The following ULK4 variants were observed in gnomAD, a reference collection of about 807,000 sequenced individuals.
ULK4 encodes inactive serine/threonine-protein kinase ULK4.
ULK4 carries 133 observed loss-of-function variants against 160.6 expected under a neutral mutation model. The observed-to-expected ratio is 0.83, with a 90% CI of 0.72 to 0.96. The LOEUF (loss-of-function observed/expected upper bound fraction) is 0.96, where lower values mean the gene tolerates loss of function less well. ULK4 is among the 40% of genes least tolerant of loss of function. The pLI is 0.00. For missense variants in ULK4, 1,580 were observed against 1,499.5 expected (o/e 1.05, Z -0.89); for synonymous variants, 534 against 539.8 (o/e 0.99, Z 0.15).
rs916041519 is a variant in ULK4, at chr3:41,364,669, A to G, written c.3678+33410T>C. On this transcript the variant is annotated intron_variant, in intron 35 of 36. Coordinates refer to ENST00000301831, the MANE Select transcript of ULK4 (RefSeq NM_017886.4). Reference sequence around the variant, plus strand: ...TTTAATAAGGAAAAATTAAAGAAATAGAAAGATTTTCCCAAGTGGATGTTA... The same window carrying G: ...TTTAATAAGGAAAAATTAAAGAAATGGAAAGATTTTCCCAAGTGGATGTTA... Among the ~76,000 whole-genome samples the G allele has an allele frequency of 3.3e-5, 5 of 152,216 alleles. No homozygotes were observed. In the East Asian group the frequency reaches 9.6e-4, roughly 29 times the overall value.
intron 34 of ULK4, among the ~76,000 whole-genome samples, chr3:41,414,960 C>G (rs1014569937): frequency 6.6e-6 from 1 of 152,154 alleles, no homozygotes; most frequent in Non-Finnish European, 1.5e-5. Context: ...GTCCACATAT[C>G]ACAGAATAGA....
chr3:41,918,773 T>C (rs1699066000), intron 6 of ULK4, among the ~76,000 whole-genome samples: 1 of 151,980 alleles, frequency 6.6e-6, no homozygotes, highest in Non-Finnish European at 1.5e-5. Context: ...AGCTAATTTT[T>C]TGTATTTTTA....
At chr3:41,730,063 A>G (rs777634181) in intron 22 of ULK4, among the ~76,000 whole-genome samples, 6 of 152,256 alleles carry the variant, frequency 3.9e-5, no homozygotes, top group Non-Finnish European at 7.3e-5. Context: ...AGGGTCAAGG[A>G]AAAATTTTTT....
At chr3:41,625,268 T>C (rs2033444232) in intron 30 of ULK4, among the ~76,000 whole-genome samples, 1 of 152,220 alleles carries the variant, frequency 6.6e-6, no homozygotes, top group Admixed American at 6.5e-5. Context: ...TTTTAAACCA[T>C]GAATTGAATA....
chr3:41,671,537 A>G (rs1270948733), intron 29 of ULK4, among the ~76,000 whole-genome samples: 1 of 152,144 alleles, frequency 6.6e-6, no homozygotes. Context: ...CTGGAAAATC[A>G]TATCCAGAAG....
intron 35 of ULK4, among the ~76,000 whole-genome samples, chr3:41,314,105 G>A (rs1273780593): frequency 6.6e-6 from 1 of 152,216 alleles, no homozygotes; most frequent in Admixed American, 6.5e-5. Context: ...CTGTGGAGCA[G>A]AGGAATAGAG....
chr3:41,328,100 G>A (rs757826485), intron 35 of ULK4, among the ~76,000 whole-genome samples: 1 of 152,146 alleles, frequency 6.6e-6, no homozygotes, highest in Non-Finnish European at 1.5e-5. Context: ...AGAGTGGAAC[G>A]GCCAGCCCTA....
At chr3:41,500,604 A>G (rs978498682) in intron 32 of ULK4, among the ~76,000 whole-genome samples, 2 of 152,088 alleles carry the variant, frequency 1.3e-5, no homozygotes, top group Non-Finnish European at 2.9e-5. Flanking sequence ...GCCAAGTTGG[A>G]AATTCCCAGA....
intron 27 of ULK4, among the ~76,000 whole-genome samples, chr3:41,688,283 G>A (rs1356773842): frequency 1.3e-5 from 2 of 152,100 alleles, no homozygotes; most frequent in African/African-American, 4.8e-5. Flanking sequence ...GCCAAGCATG[G>A]TGGCTCACAC....
chr3:41,742,717 C>T (rs1201941946), intron 22 of ULK4, among the ~76,000 whole-genome samples: 2 of 151,844 alleles, frequency 1.3e-5, no homozygotes, highest in African/African-American at 4.9e-5. Flanking sequence ...AAAAGCATTA[C>T]AAATTCTCTT....
intron 30 of ULK4, among the ~76,000 whole-genome samples, chr3:41,640,714 T>C (rs951822933): frequency 6.6e-6 from 1 of 152,176 alleles, no homozygotes; most frequent in South Asian, 2.1e-4. Context: ...ATTCTAGATA[T>C]ATATGTAGCA....
At chr3:41,323,672 C>G (rs1340974957) in intron 35 of ULK4, among the ~76,000 whole-genome samples, 1 of 151,950 alleles carries the variant, frequency 6.6e-6, no homozygotes, top group Non-Finnish European at 1.5e-5. Flanking sequence ...TGCCCCCGAC[C>G]CCCCTCCCAG....
chr3:41,815,737 T>C (rs1332046908), intron 19 of ULK4, among the ~76,000 whole-genome samples: 4 of 152,198 alleles, frequency 2.6e-5, no homozygotes. Context: ...AAATTGGGTC[T>C]GGATAAGGGA....
At chr3:41,282,928 T>C (rs1479768640) in intron 35 of ULK4, among the ~76,000 whole-genome samples, 1 of 140,158 alleles carries the variant, frequency 7.1e-6, no homozygotes, top group Non-Finnish European at 1.5e-5. Context: ...ATCTAGAATC[T>C]ACAAAAAACT....
At chr3:41,528,331 C>T (rs953979046) in intron 32 of ULK4, among the ~76,000 whole-genome samples, 3 of 152,188 alleles carry the variant, frequency 2.0e-5, no homozygotes, top group East Asian at 3.9e-4. Context: ...TATGGTTTTC[C>T]GTTAGAACCT....
At chr3:41,657,685 C>A (rs1031058612) in intron 30 of ULK4, among the ~76,000 whole-genome samples, 2 of 151,756 alleles carry the variant, frequency 1.3e-5, no homozygotes, top group Non-Finnish European at 2.9e-5. Context: ...GGTGTGGTGG[C>A]AGACGCCTGT....
At chr3:41,860,169 A>T (rs941101655) in intron 17 of ULK4, among the ~76,000 whole-genome samples, 2 of 152,224 alleles carry the variant, frequency 1.3e-5, no homozygotes, top group African/African-American at 4.8e-5. Flanking sequence ...AACCTTGAGA[A>T]TAATTCATGT....
chr3:41,790,285 T>C (rs1351987418), intron 20 of ULK4, among the ~76,000 whole-genome samples: 2 of 152,210 alleles, frequency 1.3e-5, no homozygotes, highest in East Asian at 1.9e-4. Context: ...ATGAGAAAGG[T>C]AGTATTATTA....
chr3:41,252,511 A>G (rs954111664), intron 35 of ULK4, among the ~76,000 whole-genome samples: 25 of 151,960 alleles, frequency 1.6e-4, no homozygotes, highest in Non-Finnish European at 3.4e-4. Context: ...TCATCACTGG[A>G]TAGACTCAAT....
Sources: allele counts gnomAD v4.1 joint callset (sites outside exome capture counted in the v4.1 genomes callset), GRCh38; gene constraint gnomAD v4.1.1; transcripts MANE v1.5; gene names NCBI Gene and HGNC (gene_info 2026-07-23, HGNC 2026-07-21).